The following NPSR1 variants were observed in gnomAD, a reference collection of about 807,000 sequenced individuals.
NPSR1 encodes the protein neuropeptide S receptor.
Under a neutral mutation model 46.9 loss-of-function variants are expected in NPSR1, and 48 were observed. The ratio of observed to expected loss-of-function variants is 1.02; its 90% CI spans 0.81 to 1.30. The LOEUF (loss-of-function observed/expected upper bound fraction) is 1.30, where lower values mean the gene tolerates loss of function less well. NPSR1 is among the 50% of genes most tolerant of loss of function. The pLI is 0.00. For synonymous variants in NPSR1, 176 were observed against 168.1 expected, an observed-to-expected ratio of 1.05 and a Z score of -0.36; for missense variants, 450 against 449.5, an observed-to-expected ratio of 1.00 and a Z score of -0.01.
chr7:34,821,293 C>A (rs1232478715), intron 4 of NPSR1, among the ~76,000 whole-genome samples: 1 of 151,928 alleles, frequency 6.6e-6, no homozygotes, highest in Non-Finnish European at 1.5e-5. Context: ...CATCACCACG[C>A]CTAATTTTTG....
chr7:34,804,884 G>GT (rs1183383875), intron 3 of NPSR1, among the ~76,000 whole-genome samples: 1 of 151,852 alleles, frequency 6.6e-6, no homozygotes, highest in Non-Finnish European at 1.5e-5. Context: ...AAAGTCAGTT[G>GT]TTTTTTTCCA....
At position 34,679,144 on chromosome 7, in the gene NPSR1, T is replaced by C. The variant is rs1792484850; in HGVS notation, c.148-5408T>C. ...AAAGAGAATAACTGTTTCAAATTAC[T>C]AGTGAACAAATTAAAATAAAAACAC... On this transcript the variant is annotated intron_variant, in intron 1 of 8. Transcript: ENST00000360581. Among the ~76,000 whole-genome samples the C allele has an allele frequency of 3.3e-5, 5 of 152,166 alleles. 1 individual carries two copies. The highest frequency in any genetic ancestry group is 3.3e-4 in the Admixed American group (5 of 15,282).
intron 8 of NPSR1, among the ~76,000 whole-genome samples, chr7:34,872,900 C>G (rs1337354905): frequency 6.6e-6 from 1 of 151,820 alleles, no homozygotes; most frequent in African/African-American, 2.4e-5. Flanking sequence ...AATTTTTATG[C>G]TGTGCTTCCC....
chr7:34,820,646 T>C (rs773601352), intron 4 of NPSR1, among the ~76,000 whole-genome samples: 13 of 152,164 alleles, frequency 8.5e-5, no homozygotes, highest in Non-Finnish European at 1.6e-4. Flanking sequence ...TTTTATACAT[T>C]TTAGGGCGAC....
At chr7:34,841,701 T>C (rs757025671) in intron 6 of NPSR1, among the ~76,000 whole-genome samples, 1 of 152,226 alleles carries the variant, frequency 6.6e-6, no homozygotes, top group African/African-American at 2.4e-5. Flanking sequence ...TTCACTGATC[T>C]CTGGGCAGGT....
chr7:34,725,374 G>A (rs28593666), intron 2 of NPSR1, among the ~76,000 whole-genome samples: 35,437 of 152,032 alleles, frequency 0.23, 4,787 homozygotes, highest in African/African-American at 0.38. Context: ...ATCCTCTACC[G>A]GGATAAGATC....
At chr7:34,863,050 C>A (rs527809673) in intron 8 of NPSR1, among the ~76,000 whole-genome samples, 18 of 151,740 alleles carry the variant, frequency 1.2e-4, no homozygotes, top group Non-Finnish European at 2.1e-4. Context: ...ACCTATGGAA[C>A]AGAACAGAGG....
chr7:34,716,586 C>T lies in NPSR1; in HGVS notation c.280+31902C>T, dbSNP rs569914700. Among the ~76,000 whole-genome samples, 78 of 152,272 alleles carry T rather than the reference C, an allele frequency of 5.1e-4. No individual in the cohort carries two copies. The South Asian group carries it at 0.015, about 29-fold the overall frequency. ...TTTCATGAGGTTAGTATGAAAATTA[C>T]AGTGGATCATGAAGAAAAGTTCTTA... On this transcript the variant is annotated intron_variant, in intron 2 of 8. Coordinates refer to ENST00000360581, the MANE Select transcript of NPSR1 (RefSeq NM_207172.2).
intron 3 of NPSR1, among the ~76,000 whole-genome samples, chr7:34,798,834 C>A (rs1788323529): frequency 6.6e-6 from 1 of 152,054 alleles, no homozygotes; most frequent in African/African-American, 2.4e-5. Flanking sequence ...TGAAAATTTT[C>A]AAACTGTTTG....
chr7:34,739,878 T>C (rs906672833), intron 2 of NPSR1, among the ~76,000 whole-genome samples: 3 of 152,222 alleles, frequency 2.0e-5, no homozygotes, highest in Non-Finnish European at 4.4e-5. Context: ...TTTGTGCTTG[T>C]TGGCCTCTGC....
chr7:34,851,708 G>T (rs1378164244), downstream of NPSR1, among the ~76,000 whole-genome samples: 1 of 152,198 alleles, frequency 6.6e-6, no homozygotes, highest in Non-Finnish European at 1.5e-5. Flanking sequence ...TCTTTGTCAA[G>T]TCTGGTCTGC....
At chr7:34,761,961 A>G (rs1401104286) in intron 2 of NPSR1, among the ~76,000 whole-genome samples, 22 of 152,192 alleles carry the variant, frequency 1.4e-4, no homozygotes, top group Non-Finnish European at 1.5e-5. Context: ...TTATGAGCAC[A>G]GGAGTTTTTT....
At chr7:34,851,790 T>C (rs1790940434), downstream of NPSR1, among the ~76,000 whole-genome samples, 2 of 152,136 alleles carry the variant, frequency 1.3e-5, no homozygotes, top group South Asian at 2.1e-4. Flanking sequence ...GTGAGGGGCG[T>C]TGTGATCTGT....
intron 3 of NPSR1, among the ~76,000 whole-genome samples, chr7:34,799,273 A>G (rs934989187): frequency 6.6e-6 from 1 of 152,084 alleles, no homozygotes; most frequent in African/African-American, 2.4e-5. Flanking sequence ...AAATTTAATT[A>G]AAATCAGAAA....
chr7:34,767,241 C>T (rs995947855), intron 2 of NPSR1, among the ~76,000 whole-genome samples: 2 of 152,106 alleles, frequency 1.3e-5, no homozygotes, highest in Non-Finnish European at 2.9e-5. Context: ...CCAGGTAGAG[C>T]GTACATGGGA....
chr7:34,686,541 A>T lies in NPSR1; in HGVS notation c.280+1857A>T, dbSNP rs977132529. Among the ~76,000 whole-genome samples, 4 of 152,144 alleles carry T rather than the reference A, an allele frequency of 2.6e-5. No individual in the cohort carries two copies. In the South Asian group the frequency reaches 6.2e-4, roughly 24 times the overall value. ...GAGACATATATAAAAATGTGGTTTG[A>T]GTCCCCCATCATATGTCAATGTCCT... is the stretch of plus-strand genomic sequence containing the variant. On this transcript the variant is annotated intron_variant, in intron 2 of 8. Coordinates refer to ENST00000360581, the MANE Select transcript of NPSR1 (RefSeq NM_207172.2).
chr7:34,699,856 T>C (rs1223809290), intron 2 of NPSR1, among the ~76,000 whole-genome samples: 2 of 152,110 alleles, frequency 1.3e-5, no homozygotes, highest in Admixed American at 6.5e-5. Context: ...CTAGAAGAAA[T>C]GTAGTAGTAG....
intron 2 of NPSR1, among the ~76,000 whole-genome samples, chr7:34,688,526 A>C (rs189332292): frequency 2.6e-4 from 39 of 152,242 alleles, no homozygotes; most frequent in African/African-American, 7.5e-4. Flanking sequence ...CTCCCTTTCC[A>C]CACAAAGAAC....
chr7:34,822,305 C>T (rs960336864), intron 4 of NPSR1, among the ~76,000 whole-genome samples: 1 of 152,154 alleles, frequency 6.6e-6, no homozygotes, highest in African/African-American at 2.4e-5. Flanking sequence ...AGAAGAGATT[C>T]CCCGAGAGTG....
Sources: gnomAD v4.1 joint callset for allele counts (sites outside exome capture counted in the v4.1 genomes callset) on GRCh38, gnomAD v4.1.1 for gene constraint, MANE v1.5 for transcripts, NCBI Gene and HGNC (gene_info 2026-07-23, HGNC 2026-07-21) for gene names.